PANK3: variants seen among roughly 807,000 people sequenced by gnomAD.
PANK3 encodes hPanK3.
In PANK3, 20 loss-of-function variants were observed where a neutral mutation model predicts 39.4. That is an observed-to-expected ratio of 0.51 (90% CI 0.36 to 0.74). The LOEUF is 0.74. Ranked by LOEUF, PANK3 falls within the 30% of genes least tolerant of loss-of-function variation. PANK3 has a pLI of 0.00. For missense variants in PANK3, 265 were observed against 437.0 expected (o/e 0.61, Z 3.51); for synonymous variants, 140 against 157.3 (o/e 0.89, Z 0.82).
rs538073874 is a variant in PANK3, at chr5:168,567,741, T to A, written c.381+905A>T. On this transcript the variant is annotated intron_variant, in intron 2 of 6. Coordinates refer to ENST00000239231, the MANE Select transcript of PANK3 (RefSeq NM_024594.4). ...AAGCAATCCTCCCACTTCATCAGCC[T>A]CTTGAGTGGCTGGGACTACAAGCAC... Among the ~76,000 whole-genome samples, 730 of 152,216 alleles carry A rather than the reference T, an allele frequency of 4.8e-3. 2 individuals are homozygous for A. Among genetic ancestry groups the A allele is most frequent in the Admixed American group, 9.5e-3 (145 of 15,270 alleles).
chr5:168,578,882 C>G (rs1458333246), intron 1 of PANK3, among the ~76,000 whole-genome samples: 1 of 152,330 alleles, frequency 6.6e-6, no homozygotes, highest in East Asian at 1.9e-4. Context: ...TCCCTAAAAA[C>G]AGGTGCTAAA....
At chr5:168,568,452 G>A (rs1309209297) in intron 2 of PANK3, among the ~76,000 whole-genome samples, 194 bp downstream of exon 2, 1 of 152,032 alleles carries the variant, frequency 6.6e-6, no homozygotes, top group Non-Finnish European at 1.5e-5. Context: ...AATATTATGT[G>A]CAACAACATG....
At chr5:168,572,212 C>G (rs754823385) in intron 1 of PANK3, among the ~76,000 whole-genome samples, 7 of 145,078 alleles carry the variant, frequency 4.8e-5, no homozygotes, top group Non-Finnish European at 1.0e-4. Flanking sequence ...CTCCTGGGTT[C>G]ATGCAATTCT....
intron 4 of PANK3, 87 bp downstream of exon 4, chr5:168,563,802 A>G: frequency 1.6e-6 from 2 of 1,248,794 alleles, no homozygotes; most frequent in Middle Eastern, 2.5e-4. Flanking sequence ...GCACCCTTAC[A>G]ACTTTCTGTT....
Position 168,549,652 on chromosome 5 carries a change from C to T in PANK3, c.*7919G>A, listed in dbSNP as rs1352825311. On this transcript the variant is annotated 3_prime_UTR_variant, in exon 7 of 7. Transcript: ENST00000239231. ...AAATTAGTGGCAGTTGCAGCAAAAA[C>T]GCCGAAATTCTATAAGAAAAAAACT... The T allele has an allele frequency of 2.0e-5, 3 of 152,050 alleles. No homozygotes were observed. Among genetic ancestry groups the T allele is most frequent in the South Asian group, 2.1e-4 (1 of 4,822 alleles). The allele number at this position is 152,050 out of a possible 1,614,324, so 9.4% of individuals were successfully genotyped here. A position where few individuals can be genotyped will look rare whatever the true frequency, so the allele number is the denominator to read the frequency against.
chr5:168,554,256 T>G lies in PANK3; in HGVS notation c.*3315A>C, dbSNP rs905301093. 6.6e-6 allele frequency: 1 copy of G among 152,212 alleles called. No homozygotes were observed. 9.4% of individuals were successfully genotyped at this position (152,212 alleles called of 1,614,324 possible). On this transcript the variant is annotated 3_prime_UTR_variant, in exon 7 of 7. Coordinates refer to ENST00000239231, the MANE Select transcript of PANK3 (RefSeq NM_024594.4). ...GAAGTAGAAATGCTTGGGGATAAAA[T>G]TGACTTCTATACATTACCAGTAAAT... is the stretch of plus-strand genomic sequence containing the variant.
Position 168,569,008 on chromosome 5 carries a change from G to GGA in PANK3, c.29-11_29-10insTC, listed in dbSNP as rs879057616. ...CCAAACCATGGGAAAGCTATGGGAGGAAAAAAAAAAAAAAAAAAAAAAATA... is the reference window on the plus strand; with the variant it reads ...CCAAACCATGGGAAAGCTATGGGAGGGAAAAAAAAAAAAAAAAAAAAAAAATA... On this transcript the variant is annotated splice_polypyrimidine_tract_variant and intron_variant, in intron 1 of 6. Coordinates refer to ENST00000239231, the MANE Select transcript of PANK3 (RefSeq NM_024594.4). 39 of 91,262 alleles carry GGA rather than the reference G, an allele frequency of 4.3e-4. 1 individual carries two copies. The highest frequency in any genetic ancestry group is 1.2e-3 in the East Asian group (6 of 5,074). 5.7% of individuals were successfully genotyped at this position (91,262 alleles called of 1,614,324 possible).
At chr5:168,567,869 G>A (rs939682633) in intron 2 of PANK3, among the ~76,000 whole-genome samples, 17 of 152,012 alleles carry the variant, frequency 1.1e-4, no homozygotes, top group African/African-American at 4.1e-4. Flanking sequence ...ATCCTCCCAC[G>A]TCAGCCTTTA....
At chr5:168,579,155 C>T in intron 1 of PANK3, 101 bp downstream of exon 1, 2 of 1,115,898 alleles carry the variant, frequency 1.8e-6, no homozygotes, top group Non-Finnish European at 2.4e-6. Context: ...GAAGCGCCGG[C>T]GAGGAGCGAC....
chr5:168,568,275 A>G (rs1759567438), intron 2 of PANK3, among the ~76,000 whole-genome samples: 2 of 152,222 alleles, frequency 1.3e-5, no homozygotes, highest in Admixed American at 1.3e-4. Context: ...TGGAAGATTA[A>G]TATTATTTGA....
chr5:168,553,136 C>A lies in PANK3; in HGVS notation c.*4435G>T. 4.4e-6 allele frequency: 2 copies of A among 450,524 alleles called. No individual in the cohort carries two copies. Among genetic ancestry groups the A allele is most frequent in the South Asian group, 1.7e-5 (1 of 57,644 alleles). 27.9% of individuals were successfully genotyped at this position (450,524 alleles called of 1,614,324 possible). A position where few individuals can be genotyped will look rare whatever the true frequency, so the allele number is the denominator to read the frequency against. On this transcript the variant is annotated 3_prime_UTR_variant, in exon 7 of 7. Coordinates refer to ENST00000239231, the MANE Select transcript of PANK3 (RefSeq NM_024594.4). ...AATGGAAGGGCTACACTTTATAGGACAGCTGGAAGGATGGTAAAGCCCAGT... is the reference window on the plus strand; with the variant it reads ...AATGGAAGGGCTACACTTTATAGGAAAGCTGGAAGGATGGTAAAGCCCAGT...
chr5:168,572,401 AAGTCCGAAAAGAG>A (rs1759654174), intron 1 of PANK3, among the ~76,000 whole-genome samples: 2 of 152,222 alleles, frequency 1.3e-5, no homozygotes, highest in Admixed American at 6.5e-5. Flanking sequence ...CAGGCGGGCT[AAGTCCGAAAAGAG>A]AGTCAGCAAA....
At chr5:168,561,132 C>A (rs995154393) in intron 5 of PANK3, among the ~76,000 whole-genome samples, 1 of 152,088 alleles carries the variant, frequency 6.6e-6, no homozygotes, top group African/African-American at 2.4e-5. Flanking sequence ...TTTACATCCT[C>A]AAGGGATTTA....
In PANK3 at chr5:168,566,286, A is replaced by C; in HGVS notation, c.382-20T>G. 6.4e-7 allele frequency: 1 copy of C among 1,560,206 alleles called. No homozygotes were observed. Among genetic ancestry groups the C allele is most frequent in the Non-Finnish European group, 8.7e-7 (1 of 1,148,772 alleles). ...TCCAATCTGTTAAAACAAACAAACA[A>C]AAACAAAAAAGGATGACATTCAAAA... On this transcript the variant is annotated intron_variant, in intron 2 of 6. Coordinates refer to ENST00000239231, the MANE Select transcript of PANK3 (RefSeq NM_024594.4).
chr5:168,577,974 C>T (rs561818134), intron 1 of PANK3, among the ~76,000 whole-genome samples: 4 of 152,296 alleles, frequency 2.6e-5, no homozygotes, highest in African/African-American at 9.6e-5. Context: ...CTTCACATCA[C>T]TATTTTATAG....
In PANK3 at chr5:168,555,791, TGA is replaced by T. The variant is rs1363138144; in HGVS notation, c.*1778_*1779del. 1 of 152,270 alleles carries T rather than the reference TGA, an allele frequency of 6.6e-6. No individual in the cohort carries two copies. Among genetic ancestry groups the T allele is most frequent in the Admixed American group, 6.5e-5 (1 of 15,292 alleles). The allele number at this position is 152,270 out of a possible 1,614,324, so 9.4% of individuals were successfully genotyped here. A position where few individuals can be genotyped will look rare whatever the true frequency, so the allele number is the denominator to read the frequency against. On this transcript the variant is annotated 3_prime_UTR_variant, in exon 7 of 7. Coordinates refer to ENST00000239231, the MANE Select transcript of PANK3 (RefSeq NM_024594.4). Reference sequence around the variant, plus strand: ...CTATCACTGTCGTTGAAAACTTTCTTGAGATAGTTTATTTTATACAAACAAAC... The same window carrying T: ...CTATCACTGTCGTTGAAAACTTTCTTGATAGTTTATTTTATACAAACAAAC...
chr5:168,573,232 G>T (rs1759670712), intron 1 of PANK3, among the ~76,000 whole-genome samples: 1 of 151,506 alleles, frequency 6.6e-6, no homozygotes, highest in African/African-American at 2.4e-5. Context: ...AATCAACAAA[G>T]CAGGGACTGA....
At chr5:168,568,608 C>T in intron 2 of PANK3, 38 bp downstream of exon 2, 1 of 1,402,568 alleles carries the variant, frequency 7.1e-7, no homozygotes, top group East Asian at 2.3e-5. Context: ...TATTTAAAAA[C>T]AGGTATCAAT....
rs1189676029 is a variant in PANK3, at chr5:168,559,147, CTGTT to C, written c.943_946del (p.Asn315GlufsTer16). ...TAAAAAGTTTCCAACAAAGACAACT[CTGTT>C]TATTTTCTAAAAGAAAAGAACAAAG... On this transcript the variant is annotated frameshift_variant, in exon 6 of 7. Transcript: ENST00000239231. LOFTEE classifies it high-confidence loss of function. 2.0e-6 allele frequency: 3 copies of C among 1,535,248 alleles called. No homozygotes were observed. Among genetic ancestry groups the C allele is most frequent in the Non-Finnish European group, 1.8e-6 (2 of 1,129,976 alleles).
Sources: gnomAD v4.1 joint callset for allele counts (sites outside exome capture counted in the v4.1 genomes callset) on GRCh38, gnomAD v4.1.1 for gene constraint, MANE v1.5 for transcripts, NCBI Gene and HGNC (gene_info 2026-07-23, HGNC 2026-07-21) for gene names.